Variants in CEP170B observed in about 807,000 individuals in gnomAD.
CEP170B encodes the protein centrosomal protein of 170 kDa protein B.
A neutral mutation model predicts 120.6 loss-of-function variants in CEP170B; 55 were observed. The observed-to-expected ratio is 0.46, with a 90% confidence interval of 0.37 to 0.57. The LOEUF (loss-of-function observed/expected upper bound fraction) is 0.57, where lower values mean the gene tolerates loss of function less well. CEP170B is among the 20% of genes least tolerant of loss of function. The probability of loss-of-function intolerance (pLI) is 0.00; values close to 1 mark genes in which losing one functional copy is unlikely to be tolerated. For missense variants in CEP170B, 2,212 were observed against 2,253.3 expected (o/e 0.98, Z 0.37); for synonymous variants, 1,033 against 954.5 (o/e 1.08, Z -1.52).
intron 12 of CEP170B, among the ~76,000 whole-genome samples, chr14:104,888,583 G>A (rs925350568): frequency 1.3e-5 from 2 of 152,246 alleles, no homozygotes; most frequent in African/African-American, 4.8e-5. Context: ...ACCAGAGCTG[G>A]CCTCCTACCT....
chr14:104,875,314 G>A (rs1266359057), intron 2 of CEP170B, among the ~76,000 whole-genome samples: 1 of 152,232 alleles, frequency 6.6e-6, no homozygotes, highest in African/African-American at 2.4e-5. Context: ...TGGGTGTGCT[G>A]CCTGGATGGT....
At position 104,885,510 on chromosome 14, in the gene CEP170B, C is replaced by T. The variant is rs770766563; in HGVS notation, c.1912C>T (p.Pro638Ser). ...GCTACTGCAGGAGTTTGCCTCCCGG[C>T]CACTGGGTGCGGCCCCCCAGGCGGA... The part of the protein sequence containing the change: ...MALLQEFASR[P>S]LGAAPQAEHQ... The change falls in exon 10 of 19, where the codon CCA becomes TCA. Residue 638 changes from proline (P) to serine (S), a missense_variant. By Grantham distance (74) the Pro-to-Ser change is moderately conservative. Transcript: ENST00000414716. The T allele has an allele frequency of 6.4e-7, 1 of 1,566,640 alleles. No individual in the cohort carries two copies.
At position 104,887,363 on chromosome 14, in the gene CEP170B, G is replaced by A; in HGVS notation, c.3124G>A (p.Asp1042Asn). The part of the protein sequence containing the change: ...RRGHRPRGSL[D>N]WPSEERGPVL... ...TGGCCACAGGCCCCGAGGGTCCCTGGATTGGCCCAGTGAGGAGCGTGGCCC... is the reference window on the plus strand; with the variant it reads ...TGGCCACAGGCCCCGAGGGTCCCTGAATTGGCCCAGTGAGGAGCGTGGCCC... The change falls in exon 12 of 19, where the codon GAT becomes AAT. Residue 1042 changes from aspartate to asparagine, a missense_variant. Physicochemically the swap from Asp to Asn is conservative, Grantham distance 23 (BLOSUM62 1). This residue lies in a region of CEP170B where 2,166 missense variants were observed against 2,166.7 expected (regional missense o/e 1.00). Transcript: ENST00000414716. 1 of 1,612,042 alleles carries A rather than the reference G, an allele frequency of 6.2e-7. No homozygotes were observed. The highest frequency in any genetic ancestry group is 8.5e-7 in the Non-Finnish European group (1 of 1,179,628).
At chr14:104,878,033 C>T (rs1332672304) in intron 4 of CEP170B, 70 bp downstream of exon 4, 13 of 1,285,862 alleles carry the variant, frequency 1.0e-5, no homozygotes, top group Non-Finnish European at 1.4e-5. Flanking sequence ...CACCCTGTTA[C>T]TCCAGAAGCA....
At chr14:104,877,501 GC>G (rs1426091206) in intron 3 of CEP170B, among the ~76,000 whole-genome samples, 2 of 152,232 alleles carry the variant, frequency 1.3e-5, no homozygotes, top group Non-Finnish European at 2.9e-5. Context: ...CACAGGGCAG[GC>G]CTGCCTCGAC....
At position 104,868,230 on chromosome 14, in the gene CEP170B, G is replaced by A. The variant is rs1490395226; in HGVS notation, c.-27-194G>A. Among the ~76,000 whole-genome samples the A allele has an allele frequency of 1.3e-5, 2 of 152,146 alleles. No homozygotes were observed. The highest frequency in any genetic ancestry group is 1.3e-4 in the Admixed American group (2 of 15,270). On this transcript the variant is annotated intron_variant, in intron 1 of 18. Coordinates refer to ENST00000414716, the MANE Select transcript of CEP170B (RefSeq NM_001112726.3). The surrounding 1 kb of genome is among the most constrained non-coding windows in gnomAD (Gnocchi z 5.9). Reference sequence around the variant, plus strand: ...GGACGTGATGGGAAAGGCCGGTCACGAGGGCAAAGGCCTGGCAGTGGGACT... The same window carrying A: ...GGACGTGATGGGAAAGGCCGGTCACAAGGGCAAAGGCCTGGCAGTGGGACT...
At chr14:104,885,933 C>T (rs1896466840) in intron 10 of CEP170B, 107 bp from the exon 11 acceptor site, 4 of 998,760 alleles carry the variant, frequency 4.0e-6, no homozygotes, top group Non-Finnish European at 4.3e-6. Context: ...GGCGCGCATG[C>T]GTGGGGCTGG....
rs931979780 is a variant in CEP170B, at chr14:104,886,526, G to A, written c.2287G>A (p.Val763Met). 24 of 1,516,692 alleles carry A rather than the reference G, an allele frequency of 1.6e-5. No homozygotes were observed. The highest frequency in any genetic ancestry group is 2.0e-5 in the Non-Finnish European group (23 of 1,135,500). 94.0% of individuals were successfully genotyped at this position (1,516,692 alleles called of 1,614,324 possible). Residue 763 changes from valine (V) to methionine (M), a missense_variant, in exon 12 of 19, where the codon GTG (valine) becomes ATG (methionine). This residue lies in a region of CEP170B where 2,166 missense variants were observed against 2,166.7 expected (regional missense o/e 1.00). Coordinates refer to ENST00000414716, the MANE Select transcript of CEP170B (RefSeq NM_001112726.3). The stretch of plus-strand genomic sequence containing the variant: ...CGGGGGCCGAGGCCCCGAGCCAGGG[G>A]TGGAGCCACAGGACAGCAGACGCAG... Reference protein sequence around the residue: ...SDGGRGPEPGVEPQDSRRRSP... With the variant: ...SDGGRGPEPGMEPQDSRRRSP...
At chr14:104,883,706 G>T (rs949672664) in intron 8 of CEP170B, 125 bp from the exon 9 acceptor site, 2 of 1,127,714 alleles carry the variant, frequency 1.8e-6, no homozygotes, top group Non-Finnish European at 2.5e-6. Flanking sequence ...GCCCTGTGTG[G>T]GGGGGCCCTG....
chr14:104,865,199 G>T (rs1895136870), upstream of CEP170B: 1 of 144,254 alleles, frequency 6.9e-6, no homozygotes, highest in South Asian at 1.8e-4. The surrounding 1 kb of genome is among the most constrained non-coding windows in gnomAD (Gnocchi z 6.7). Flanking sequence ...CGGCGCGGCC[G>T]GGCGGGGGCG....
intron 6 of CEP170B, 43 bp downstream of exon 6, chr14:104,880,468 T>C: frequency 6.3e-7 from 1 of 1,595,840 alleles, no homozygotes; most frequent in South Asian, 1.1e-5. Flanking sequence ...ACAGGGCCAC[T>C]GCCAGGCCCT....
Position 104,884,314 on chromosome 14 carries a change from C to T in CEP170B, c.1535C>T (p.Ser512Phe), listed in dbSNP as rs765284336. Reference protein sequence around the residue: ...DFMAQCLRESSPAARPSPEKV... With the variant: ...DFMAQCLRESFPAARPSPEKV... ...ATGGCCCAGTGTCTGCGGGAGAGCT[C>T]CCCGGCCGCCCGGCCCAGCCCCGAG... The change falls in exon 9 of 19, where the codon TCC (serine) becomes TTC (phenylalanine). Residue 512 changes from serine to phenylalanine, a missense_variant. Transcript: ENST00000414716. The T allele has an allele frequency of 1.9e-4, 290 of 1,543,112 alleles. 3 individuals are homozygous for T. In the East Asian group the frequency reaches 6.5e-3, roughly 34 times the overall value.
chr14:104,886,664 T>C lies in CEP170B; in HGVS notation c.2425T>C (p.Ser809Pro), dbSNP rs980204132. 1.3e-5 allele frequency: 20 copies of C among 1,538,176 alleles called. No individual in the cohort carries two copies. In the Admixed American group the frequency reaches 2.3e-4, roughly 18 times the overall value. ...GGACCAGAATGGGGACGCTGTGTTA[T>C]CTAGGAAACCGCTTGCGGCTCCAGG... ...IGDQNGDAVL[S>P]RKPLAAPGDG... The change falls in exon 12 of 19, where the codon TCT (serine) becomes CCT (proline). Residue 809 changes from serine (S) to proline (P), a missense_variant. Transcript: ENST00000414716.
chr14:104,885,882 C>A (rs1251729981), intron 10 of CEP170B, among the ~76,000 whole-genome samples, 158 bp from the exon 11 acceptor site: 1 of 152,224 alleles, frequency 6.6e-6, no homozygotes, highest in Non-Finnish European at 1.5e-5. Flanking sequence ...TCCCTGGCTG[C>A]CTTTGCAGGG....
At position 104,883,110 on chromosome 14, in the gene CEP170B, C is replaced by T. The variant is rs375247365; in HGVS notation, c.653C>T (p.Ser218Leu). 30 of 1,588,974 alleles carry T rather than the reference C, an allele frequency of 1.9e-5. No individual in the cohort carries two copies. Among genetic ancestry groups the T allele is most frequent in the Admixed American group, 1.1e-4 (6 of 56,972 alleles). ...GCCCCTGCTGAGCCTCAGGGCTGCT[C>T]GTTCCGGCGGGAGCCCAGCTACTTC... is the stretch of plus-strand genomic sequence containing the variant. ...FRAPAEPQGC[S>L]FRREPSYFEI... Residue 218 changes from serine to leucine, a missense_variant, in exon 8 of 19, where the codon TCG (serine) becomes TTG (leucine). Around this residue, in one of 2 missense-constraint regions of CEP170B, gnomAD observed 2,166 missense variants for 2,166.7 expected, o/e 1.00. Coordinates refer to ENST00000414716, the MANE Select transcript of CEP170B (RefSeq NM_001112726.3).
At chr14:104,872,948 T>C (rs1895650663) in intron 2 of CEP170B, among the ~76,000 whole-genome samples, 1 of 152,260 alleles carries the variant, frequency 6.6e-6, no homozygotes, top group Non-Finnish European at 1.5e-5. Flanking sequence ...ACATCTGTGT[T>C]TGCCTGGCTG....
chr14:104,888,254 G>A (rs868557742), intron 12 of CEP170B, among the ~76,000 whole-genome samples: 5 of 152,226 alleles, frequency 3.3e-5, no homozygotes, highest in African/African-American at 9.6e-5. Context: ...TGTGCCTCAG[G>A]GCCCCGAAGC....
intron 3 of CEP170B, 34 bp from the exon 4 acceptor site, chr14:104,877,836 ACCCACCCGCGCAGCT>A: frequency 8.4e-6 from 2 of 237,042 alleles, no homozygotes; most frequent in East Asian, 9.9e-5. Context: ...GCCCACAGCC[ACCCACCCGCGCAGCT>A]CCCCCCCCCC....
chr14:104,893,129 G>A lies in CEP170B; in HGVS notation c.4032G>A (p.Arg1344=). Residue 1344 remains arginine (R), a synonymous_variant, in exon 14 of 19, where the codon CGG becomes CGA. Coordinates refer to ENST00000414716, the MANE Select transcript of CEP170B (RefSeq NM_001112726.3). ...PSTPASTISA[R]EELVQRIPEA... is the part of the protein sequence containing the mutation. ...CCCCCGCCTCGACCATCTCTGCCCG[G>A]GAGGAGGTGAGCCCCAGGCTTTCTG... 1.2e-6 allele frequency: 2 copies of A among 1,608,396 alleles called. No homozygotes were observed. The highest frequency in any genetic ancestry group is 1.7e-6 in the Non-Finnish European group (2 of 1,178,850).
Sources: allele counts gnomAD v4.1 joint callset (sites outside exome capture counted in the v4.1 genomes callset), GRCh38; gene constraint gnomAD v4.1.1; regional missense constraint gnomAD v4.1.1; non-coding constraint Gnocchi (gnomAD v3.1); transcripts MANE v1.5; gene names NCBI Gene and HGNC (gene_info 2026-07-23, HGNC 2026-07-21).